ARHGAP24: variants seen among roughly 807,000 people sequenced by gnomAD.
ARHGAP24 encodes rho GTPase-activating protein 24.
ARHGAP24 carries 50 observed loss-of-function variants against 76.4 expected under a neutral mutation model. The ratio of observed to expected loss-of-function variants is 0.65; its 90% CI spans 0.52 to 0.83. The LOEUF is 0.83. Ranked by LOEUF, ARHGAP24 falls within the 40% of genes least tolerant of loss-of-function variation. ARHGAP24 has a pLI of 0.00. For missense variants in ARHGAP24, 930 were observed against 914.2 expected, an observed-to-expected ratio of 1.02 and a Z score of -0.22; for synonymous variants, 345 against 323.3, an observed-to-expected ratio of 1.07 and a Z score of -0.72.
chr4:85,619,670 C>A (rs1009293917), intron 2 of ARHGAP24, among the ~76,000 whole-genome samples: 6 of 151,894 alleles, frequency 4.0e-5, no homozygotes, highest in Non-Finnish European at 2.9e-5. Flanking sequence ...ACAGATATTT[C>A]ACCTCCTTGG....
intron 2 of ARHGAP24, among the ~76,000 whole-genome samples, chr4:85,576,347 G>A (rs1253929235): frequency 6.6e-6 from 1 of 151,826 alleles, no homozygotes; most frequent in Non-Finnish European, 1.5e-5. Context: ...GGAAAATGGC[G>A]CGAACCCGGG....
At chr4:85,830,117 C>T (rs1323141128) in intron 3 of ARHGAP24, among the ~76,000 whole-genome samples, 1 of 152,188 alleles carries the variant, frequency 6.6e-6, no homozygotes, top group Non-Finnish European at 1.5e-5. Context: ...TGCTTAAACT[C>T]CCTAACACAT....
chr4:85,818,608 C>A (rs1391847731), intron 3 of ARHGAP24, among the ~76,000 whole-genome samples: 1 of 152,134 alleles, frequency 6.6e-6, no homozygotes, highest in Non-Finnish European at 1.5e-5. Context: ...TCAAAAGGGC[C>A]TCAGTTAGGT....
In ARHGAP24 at chr4:85,923,540, A is replaced by T. The variant is rs1017431631; in HGVS notation, c.269-108A>T. 25 of 1,468,782 alleles carry T rather than the reference A, an allele frequency of 1.7e-5. No homozygotes were observed. In the East Asian group the frequency reaches 2.3e-4, roughly 14 times the overall value. The allele number at this position is 1,468,782 out of a possible 1,614,324, so 91.0% of individuals were successfully genotyped here. On this transcript the variant is annotated intron_variant, in intron 3 of 9. Transcript: ENST00000395184. ...AATATTTCATCATTGGGTAGAACTT[A>T]GTGCGGGCTGTATTAGGCACAGTCT...
At chr4:85,957,641 G>A (rs1385105879) in intron 5 of ARHGAP24, among the ~76,000 whole-genome samples, 2 of 152,170 alleles carry the variant, frequency 1.3e-5, no homozygotes, top group African/African-American at 4.8e-5. Flanking sequence ...ATACAGTCAG[G>A]TCACTCTTTG....
chr4:85,728,366 A>G (rs1459474714), intron 3 of ARHGAP24, among the ~76,000 whole-genome samples: 2 of 151,686 alleles, frequency 1.3e-5, no homozygotes, highest in Non-Finnish European at 2.9e-5. Context: ...CAAAGACTTT[A>G]TTATCTCTCT....
intron 1 of ARHGAP24, among the ~76,000 whole-genome samples, chr4:85,495,804 A>G (rs1202612651): frequency 6.6e-6 from 1 of 152,208 alleles, no homozygotes; most frequent in Admixed American, 6.5e-5. Flanking sequence ...ATAGAAGTAG[A>G]CAGAGGCATG....
At chr4:85,604,529 A>G (rs1457188463) in intron 2 of ARHGAP24, among the ~76,000 whole-genome samples, 1 of 152,252 alleles carries the variant, frequency 6.6e-6, no homozygotes, top group African/African-American at 2.4e-5. Flanking sequence ...TGAATAATTA[A>G]TAAGGAAAAA....
intron 3 of ARHGAP24, among the ~76,000 whole-genome samples, chr4:85,829,416 C>G (rs1301275283): frequency 6.6e-6 from 1 of 152,172 alleles, no homozygotes; most frequent in Non-Finnish European, 1.5e-5. Context: ...GTCACCTGTT[C>G]CTACATGCAT....
chr4:85,712,855 G>A (rs747253270), intron 2 of ARHGAP24, among the ~76,000 whole-genome samples: 3 of 152,020 alleles, frequency 2.0e-5, no homozygotes, highest in Non-Finnish European at 2.9e-5. Flanking sequence ...ACATCTTTCC[G>A]TGGCCATTAT....
At chr4:85,832,710 A>C (rs1453354084) in intron 3 of ARHGAP24, among the ~76,000 whole-genome samples, 1 of 152,214 alleles carries the variant, frequency 6.6e-6, no homozygotes, top group Non-Finnish European at 1.5e-5. Flanking sequence ...GCCATTTAGA[A>C]AAAAAGTACC....
At chr4:85,558,041 G>A (rs4693707) in intron 1 of ARHGAP24, among the ~76,000 whole-genome samples, 128,993 of 152,100 alleles carry the variant, frequency 0.85, 56,214 homozygotes, top group East Asian at 0.98. Context: ...GATGAATGCC[G>A]CCAACCTCAG....
intron 4 of ARHGAP24, chr4:85,930,362 G>T (rs1157237832): frequency 1.7e-5 from 17 of 986,708 alleles, no homozygotes; most frequent in Non-Finnish European, 1.9e-5. Context: ...GGGGTCCTTT[G>T]AAAGAAATCT....
intron 3 of ARHGAP24, among the ~76,000 whole-genome samples, chr4:85,919,996 A>G (rs975114915): frequency 6.6e-6 from 1 of 152,220 alleles, no homozygotes; most frequent in Non-Finnish European, 1.5e-5. Context: ...ATGTATATGC[A>G]TATTAACGTA....
At chr4:85,772,167 C>T (rs776513382) in intron 3 of ARHGAP24, among the ~76,000 whole-genome samples, 2 of 152,146 alleles carry the variant, frequency 1.3e-5, no homozygotes, top group Non-Finnish European at 2.9e-5. Context: ...CTCTAAAGCC[C>T]GTGACCTCGT....
At chr4:85,516,343 A>G (rs551578683) in intron 1 of ARHGAP24, among the ~76,000 whole-genome samples, 11 of 152,348 alleles carry the variant, frequency 7.2e-5, no homozygotes, top group Non-Finnish European at 1.3e-4. Context: ...TCTTAAATAT[A>G]TGTCTAACTC....
chr4:85,550,109 G>C (rs1402073227), intron 1 of ARHGAP24, among the ~76,000 whole-genome samples: 1 of 152,072 alleles, frequency 6.6e-6, no homozygotes, highest in Admixed American at 6.6e-5. Flanking sequence ...ATTCCTTTGG[G>C]TATGTACTCA....
At chr4:85,589,091 T>C (rs7667098) in intron 2 of ARHGAP24, among the ~76,000 whole-genome samples, 3,679 of 152,314 alleles carry the variant, frequency 0.024, 141 homozygotes, top group African/African-American at 0.083. Flanking sequence ...TTCTGTAAAC[T>C]TCACCACCTC....
chr4:85,961,785 C>T (rs1224755021), intron 5 of ARHGAP24, among the ~76,000 whole-genome samples: 7 of 152,106 alleles, frequency 4.6e-5, no homozygotes, highest in East Asian at 3.9e-4. Flanking sequence ...CATATGCACA[C>T]GTGCATACAC....
Sources: gnomAD v4.1 joint callset for allele counts (sites outside exome capture counted in the v4.1 genomes callset) on GRCh38, gnomAD v4.1.1 for gene constraint, MANE v1.5 for transcripts, NCBI Gene and HGNC (gene_info 2026-07-23, HGNC 2026-07-21) for gene names.